The following CENPV variants were observed in gnomAD, a reference collection of about 807,000 sequenced individuals.
CENPV encodes the protein nuclear protein p30.
In CENPV, 15 loss-of-function variants were observed where a neutral mutation model predicts 26.4. The ratio of observed to expected loss-of-function variants is 0.57; its 90% CI spans 0.38 to 0.88. The LOEUF is 0.88. Among genes scored for constraint, CENPV ranks in the 40% least tolerant of loss-of-function variants. The probability of loss-of-function intolerance (pLI) is 0.00; values close to 1 mark genes in which losing one functional copy is unlikely to be tolerated. For synonymous variants in CENPV, 172 were observed against 165.5 expected (o/e 1.04, Z -0.30); for missense variants, 336 against 376.5 (o/e 0.89, Z 0.89).
At chr17:16,344,766 A>C in intron 3 of CENPV, 55 bp from the exon 4 acceptor site, 1 of 846,364 alleles carries the variant, frequency 1.2e-6, no homozygotes, top group East Asian at 3.9e-5. Context: ...TATTTATTTA[A>C]TTTATTTATT....
rs770771057 is a variant in CENPV at position 16,349,987 on chromosome 17, A to G, written c.453T>C (p.Cys151=). 1 of 1,613,908 alleles carries G rather than the reference A, an allele frequency of 6.2e-7. No individual in the cohort carries two copies. Among genetic ancestry groups the G allele is most frequent in the African/African-American group, 1.3e-5 (1 of 74,950 alleles). ...GLVKHTGGCH[C]GAVRFEVWAS... is the part of the protein sequence containing the mutation. ...CCCAAACTTCAAAACGAACTGCTCC[A>G]CAGTGGCAGCCTCCTGTGTGCTTCA... Residue 151 remains cysteine (C), a synonymous_variant, in exon 2 of 5, where the codon TGT becomes TGC. Coordinates refer to ENST00000299736, the MANE Select transcript of CENPV (RefSeq NM_181716.3).
At chr17:16,345,736 G>A (rs993481285) in intron 3 of CENPV, among the ~76,000 whole-genome samples, 1 of 152,074 alleles carries the variant, frequency 6.6e-6, no homozygotes, top group Non-Finnish European at 1.5e-5. Flanking sequence ...TCAGCCTTGA[G>A]CCTTCCCTGA....
At chr17:16,346,882 ACT>A (rs950926028) in intron 3 of CENPV, among the ~76,000 whole-genome samples, 9 of 150,434 alleles carry the variant, frequency 6.0e-5, no homozygotes, top group African/African-American at 1.7e-4. Context: ...ACAAGATCTC[ACT>A]CTGTTATCCA....
rs561352479 is a variant in CENPV at position 16,347,486 on chromosome 17, T to C, written c.579+1130A>G. The C allele has an allele frequency of 3.3e-5, 5 of 151,284 alleles. No homozygotes were observed. The South Asian group carries it at 1.0e-3, about 32-fold the overall frequency. 9.4% of individuals were successfully genotyped at this position (151,284 alleles called of 1,614,324 possible). A position where few individuals can be genotyped will look rare whatever the true frequency, so the allele number is the denominator to read the frequency against. ...TGTGCTAAAAGTCTTTTTTAAAAAA[T>C]CTGTATTCTTTAACCTGGAGATTTT... On this transcript the variant is annotated intron_variant, in intron 3 of 4. Transcript: ENST00000299736.
chr17:16,352,221 T>C (rs2093231545), intron 1 of CENPV, among the ~76,000 whole-genome samples: 1 of 152,194 alleles, frequency 6.6e-6, no homozygotes, highest in Non-Finnish European at 1.5e-5. Context: ...GTAGCACAAC[T>C]GTTCCCCGAG....
chr17:16,347,520 CTTTTT>C (rs5819564), intron 3 of CENPV: 3 of 151,054 alleles, frequency 2.0e-5, no homozygotes, highest in Non-Finnish European at 3.0e-5. Context: ...TTCTTTCTCT[CTTTTT>C]TTTTAACTGC....
At chr17:16,343,878 C>A (rs945020019) in intron 4 of CENPV, among the ~76,000 whole-genome samples, 16 of 151,888 alleles carry the variant, frequency 1.1e-4, no homozygotes, top group African/African-American at 3.6e-4. Context: ...CTCAGAACAT[C>A]TTCCACCTCT....
chr17:16,353,465 G>C lies in CENPV; in HGVS notation c.-29C>G, dbSNP rs2093236372. ...TCCCGCAGCCTGGCGCGCAGGCCTC[G>C]CAGCGCGGCGCGCCCCCGCCGGCCT... On this transcript the variant is annotated 5_prime_UTR_variant, in exon 1 of 5. Transcript: ENST00000299736. The C allele has an allele frequency of 9.6e-7, 1 of 1,042,318 alleles. No homozygotes were observed. The allele number at this position is 1,042,318 out of a possible 1,614,324, so 64.6% of individuals were successfully genotyped here.
intron 2 of CENPV, chr17:16,349,293 T>C (rs2093219974): frequency 1.0e-6 from 1 of 986,336 alleles, no homozygotes; most frequent in South Asian, 4.7e-5. Context: ...ATTTGAGTAA[T>C]TCCATCGTAT....
intron 3 of CENPV, among the ~76,000 whole-genome samples, chr17:16,345,134 C>T (rs893635057): frequency 4.0e-5 from 6 of 151,672 alleles, no homozygotes; most frequent in Non-Finnish European, 7.4e-5. Flanking sequence ...TGGTGGCAGG[C>T]GCCTGTAGTC....
chr17:16,349,864 A>G, intron 2 of CENPV, 67 bp downstream of exon 2: 1 of 1,588,362 alleles, frequency 6.3e-7, no homozygotes, highest in Non-Finnish European at 8.6e-7. Flanking sequence ...TCCCCAGATT[A>G]TTTTGAAATA....
Position 16,344,637 on chromosome 17 carries a change from A to C in CENPV, c.654T>G (p.Val218=). The change falls in exon 4 of 5, where the codon GTT becomes GTG. Residue 218 remains valine (V), a synonymous_variant. Transcript: ENST00000299736. ...AQHTFCKRCG[V]QSFYTPRSNP... ...TTGATCGTGGAGTATAGAAGCTCTGAACGCCACATCTCTTACAGAAGGTAT... is the reference window on the plus strand; with the variant it reads ...TTGATCGTGGAGTATAGAAGCTCTGCACGCCACATCTCTTACAGAAGGTAT... 1 of 1,600,784 alleles carries C rather than the reference A, an allele frequency of 6.2e-7. No homozygotes were observed. Among genetic ancestry groups the C allele is most frequent in the Non-Finnish European group, 8.5e-7 (1 of 1,174,366 alleles).
chr17:16,353,228 G>T lies in CENPV; in HGVS notation c.209C>A (p.Ala70Asp). The change falls in exon 1 of 5, where the codon GCC becomes GAC. Residue 70 changes from alanine to aspartate, a missense_variant. Physicochemically the swap from Ala to Asp is moderately radical, Grantham distance 126. This residue lies in a region of CENPV where 181 missense variants were observed against 148.8 expected (regional missense o/e 1.22). Transcript: ENST00000299736. ...KPRLRRSSPR[A>D]QEEGPGEPPP... The stretch of plus-strand genomic sequence containing the variant: ...CGGCTCCCCCGGGCCCTCCTCCTGG[G>T]CCCGCGGCGACGAGCGCCTCAGCCG... 7.2e-7 allele frequency: 1 copy of T among 1,393,618 alleles called. No homozygotes were observed. The highest frequency in any genetic ancestry group is 9.3e-7 in the Non-Finnish European group (1 of 1,076,654). 86.3% of individuals were successfully genotyped at this position (1,393,618 alleles called of 1,614,324 possible).
intron 1 of CENPV, among the ~76,000 whole-genome samples, chr17:16,350,257 T>A (rs2093223504): frequency 6.6e-6 from 1 of 152,194 alleles, no homozygotes; most frequent in Non-Finnish European, 1.5e-5. Flanking sequence ...TTATATTAAG[T>A]TGCAAAATAA....
At chr17:16,344,843 T>C (rs2093198740) in intron 3 of CENPV, 132 bp from the exon 4 acceptor site, 1 of 410,478 alleles carries the variant, frequency 2.4e-6, no homozygotes, top group African/African-American at 2.2e-5. Flanking sequence ...CAATCTTGGC[T>C]CACTGCAACC....
chr17:16,345,887 A>C (rs894155984), intron 3 of CENPV, among the ~76,000 whole-genome samples: 4 of 152,192 alleles, frequency 2.6e-5, no homozygotes, highest in Admixed American at 2.0e-4. Flanking sequence ...TAATTTATCC[A>C]CAAAGGACAA....
intron 3 of CENPV, chr17:16,347,662 G>A (rs2093212734): frequency 6.6e-6 from 1 of 151,496 alleles, no homozygotes; most frequent in South Asian, 2.1e-4. Context: ...CACCAGTGTT[G>A]TTGATAATCA....
intron 1 of CENPV, 77 bp downstream of exon 1, chr17:16,352,950 G>A: frequency 5.6e-6 from 8 of 1,432,366 alleles, no homozygotes; most frequent in South Asian, 2.8e-5. Flanking sequence ...AGGCCTGCAC[G>A]CGGGCTGCGA....
At position 16,353,372 on chromosome 17, in the gene CENPV, G is replaced by GCGGAGGCCC. The variant is rs539910742; in HGVS notation, c.56_64dup (p.Gly19_Ser21dup). The GCGGAGGCCC allele has an allele frequency of 0.46, 573,354 of 1,239,424 alleles. 137,305 individuals are homozygous for GCGGAGGCCC. Among genetic ancestry groups the GCGGAGGCCC allele is most frequent in the East Asian group, 0.82 (22,879 of 27,886 alleles). 76.8% of individuals were successfully genotyped at this position (1,239,424 alleles called of 1,614,324 possible). On this transcript the variant is annotated inframe_insertion, in exon 1 of 5. Transcript: ENST00000299736. The stretch of plus-strand genomic sequence containing the variant: ...AGCGGCCGCGGAGGCCGCGGGGGCC[G>GCGGAGGCCC]CGGAGGCCCCGGACCGCTTCTGCCC...
Sources: gnomAD v4.1 joint callset for allele counts (sites outside exome capture counted in the v4.1 genomes callset) on GRCh38, gnomAD v4.1.1 for gene constraint, gnomAD v4.1.1 regional missense constraint, MANE v1.5 for transcripts, NCBI Gene and HGNC (gene_info 2026-07-23, HGNC 2026-07-21) for gene names.